PDXDC1: variants seen among roughly 807,000 people sequenced by gnomAD.
The protein encoded by PDXDC1 is pyridoxal-dependent decarboxylase domain-containing protein 1.
A neutral mutation model predicts 100.1 loss-of-function variants in PDXDC1; 42 were observed. That is an observed-to-expected ratio of 0.42 (90% CI 0.33 to 0.54). PDXDC1 has a LOEUF of 0.54. Ranked by LOEUF, PDXDC1 falls within the 20% of genes least tolerant of loss-of-function variation. PDXDC1 has a pLI of 0.10. For synonymous variants in PDXDC1, 260 were observed against 371.7 expected, an observed-to-expected ratio of 0.70 and a Z score of 3.46; for missense variants, 636 against 979.2, an observed-to-expected ratio of 0.65 and a Z score of 4.68.
At chr16:15,129,123 G>C (rs2047918577) in intron 16 of PDXDC1, among the ~76,000 whole-genome samples, 2 of 151,772 alleles carry the variant, frequency 1.3e-5, no homozygotes, top group Non-Finnish European at 2.9e-5. Flanking sequence ...TTAAAAGTAG[G>C]TAATCAAAAG....
intron 16 of PDXDC1, among the ~76,000 whole-genome samples, chr16:15,069,339 G>A (rs1425775182): frequency 6.6e-6 from 1 of 152,092 alleles, no homozygotes; most frequent in Non-Finnish European, 1.5e-5. Context: ...AATCGTGCAG[G>A]GTTCAGAGAC....
chr16:15,150,308 T>C, the PDXDC1 span, among the ~76,000 whole-genome samples: 7 of 151,302 alleles, frequency 4.6e-5, no homozygotes, highest in Non-Finnish European at 1.0e-4. Context: ...ACTGCTGCAC[T>C]CCAGCCTGGG....
At chr16:15,055,985 G>T (rs1180043691) in intron 16 of PDXDC1, 1 of 1,202,630 alleles carries the variant, frequency 8.3e-7, no homozygotes, top group Middle Eastern at 3.2e-4. Context: ...GGAGGCGGCC[G>T]CCCAGGCAGG....
chr16:15,019,674 C>T (rs2042033171), intron 12 of PDXDC1, among the ~76,000 whole-genome samples: 1 of 152,272 alleles, frequency 6.6e-6, no homozygotes, highest in South Asian at 2.1e-4. Context: ...GTCCCTTGAG[C>T]CTCTTTCAGA....
At chr16:14,983,188 T>C (rs1373134348) in intron 1 of PDXDC1, among the ~76,000 whole-genome samples, 1 of 152,294 alleles carries the variant, frequency 6.6e-6, no homozygotes, top group Non-Finnish European at 1.5e-5. Context: ...ACGAAAGTAT[T>C]ATATACTTCT....
In PDXDC1 at chr16:15,031,752, G is replaced by A. The variant is rs766233796; in HGVS notation, c.1417G>A (p.Glu473Lys). The A allele has an allele frequency of 3.7e-6, 6 of 1,611,068 alleles. No homozygotes were observed. Among genetic ancestry groups the A allele is most frequent in the African/African-American group, 1.3e-5 (1 of 74,978 alleles). The stretch of plus-strand genomic sequence containing the variant: ...ATCTTCAGTTTTAGGAACTCGGGGA[G>A]AGGATGTGGATCAGCTCGTAGCCTG... ...MTAAVLGTRG[E>K]DVDQLVACIE... The change falls in exon 17 of 23, where the codon GAG becomes AAG. Residue 473 changes from glutamate to lysine, a missense_variant. Physicochemically the swap from Glu to Lys is moderately conservative, Grantham distance 56. This residue lies in a region of PDXDC1 where 452 missense variants were observed against 402.9 expected (regional missense o/e 1.12). Transcript: ENST00000396410.
At chr16:15,000,010 T>C (rs947773582) in intron 3 of PDXDC1, among the ~76,000 whole-genome samples, 7 of 152,294 alleles carry the variant, frequency 4.6e-5, no homozygotes, top group African/African-American at 1.7e-4. Context: ...GAGATACTAA[T>C]ACTTTAAAAG....
At chr16:15,131,757 T>C in intron 16 of PDXDC1, 2 of 251,120 alleles carry the variant, frequency 8.0e-6, no homozygotes, top group Non-Finnish European at 1.2e-5. Context: ...AGAGGGAGGG[T>C]GGGGGCAGGC....
chr16:15,146,394 G>A, the PDXDC1 span, among the ~76,000 whole-genome samples: 2 of 152,192 alleles, frequency 1.3e-5, no homozygotes, highest in Non-Finnish European at 2.9e-5. Flanking sequence ...GCGGAACTCA[G>A]GCAGTGCCAC....
chr16:15,031,777 G>T lies in PDXDC1; in HGVS notation c.1442G>T (p.Cys481Phe). Residue 481 changes from cysteine (C) to phenylalanine (F), a missense_variant, in exon 17 of 23, where the codon TGC becomes TTC. By Grantham distance (205) the Cys-to-Phe change is radical. Around this residue, in one of 4 missense-constraint regions of PDXDC1, gnomAD observed 452 missense variants for 402.9 expected, o/e 1.12. Transcript: ENST00000396410. Reference protein sequence around the residue: ...RGEDVDQLVACIESKLPVLCC... With the variant: ...RGEDVDQLVAFIESKLPVLCC... Reference sequence around the variant, plus strand: ...GAGGATGTGGATCAGCTCGTAGCCTGCATAGAAAGCAAACTGCCAGTGCTG... The same window carrying T: ...GAGGATGTGGATCAGCTCGTAGCCTTCATAGAAAGCAAACTGCCAGTGCTG... 1 of 1,613,934 alleles carries T rather than the reference G, an allele frequency of 6.2e-7. No individual in the cohort carries two copies. The highest frequency in any genetic ancestry group is 1.7e-5 in the Admixed American group (1 of 60,004).
intron 8 of PDXDC1, among the ~76,000 whole-genome samples, chr16:15,012,582 C>A (rs1314763827): frequency 6.6e-6 from 1 of 152,286 alleles, no homozygotes; most frequent in African/African-American, 2.4e-5. Context: ...AGGTGGCTCA[C>A]ACTTGTAATC....
intron 16 of PDXDC1, among the ~76,000 whole-genome samples, chr16:15,100,035 T>A (rs2046485612): frequency 6.6e-6 from 1 of 152,150 alleles, no homozygotes; most frequent in Non-Finnish European, 1.5e-5. Flanking sequence ...ATTGGCCAAT[T>A]TGGATAAGGT....
rs1224427045 is a variant in PDXDC1 at position 15,032,865 on chromosome 16, G to A, written c.1576G>A (p.Glu526Lys). The A allele has an allele frequency of 3.2e-6, 5 of 1,556,140 alleles. No homozygotes were observed. Among genetic ancestry groups the A allele is most frequent in the Non-Finnish European group, 1.8e-6 (2 of 1,127,022 alleles). Residue 526 changes from glutamate to lysine, a missense_variant, in exon 18 of 23, where the codon GAA (glutamate) becomes AAA (lysine). Glu to Lys is a moderately conservative substitution (Grantham distance 56). Around this residue, in one of 4 missense-constraint regions of PDXDC1, gnomAD observed 452 missense variants for 402.9 expected, o/e 1.12. Coordinates refer to ENST00000396410, the MANE Select transcript of PDXDC1 (RefSeq NM_015027.4). ...TGTGGTTTGATGTTGTTTTAGGTAT[G>A]AACATGCTAATGATGATAAGAGCAG... ...NWSGIGVVRY[E>K]HANDDKSSLK...
intron 16 of PDXDC1, chr16:15,044,692 C>G (rs1278594885): frequency 6.1e-6 from 3 of 489,428 alleles, no homozygotes; most frequent in Non-Finnish European, 1.1e-5. Context: ...TCTGGAAGAG[C>G]ACAGGCACAG....
intron 16 of PDXDC1, among the ~76,000 whole-genome samples, chr16:15,111,866 T>C (rs1435936727): frequency 1.3e-5 from 2 of 149,512 alleles, no homozygotes; most frequent in Non-Finnish European, 3.0e-5. Context: ...TTACCACAGG[T>C]TAACATGTTT....
At chr16:14,993,786 A>G (rs1458477119) in intron 1 of PDXDC1, among the ~76,000 whole-genome samples, 2 of 152,302 alleles carry the variant, frequency 1.3e-5, no homozygotes, top group South Asian at 2.1e-4. Context: ...CTATTTCTCC[A>G]CATCCTCTCC....
In PDXDC1 at chr16:15,128,918, GC is replaced by G. The variant is rs1323162043; in HGVS notation, c.1400-9959del. 2.0e-5 allele frequency among the ~76,000 whole-genome samples: 3 copies of G among 148,726 alleles called. No homozygotes were observed. In the Admixed American group the frequency reaches 2.0e-4, roughly 10 times the overall value. On this transcript the variant is annotated intron_variant, in intron 16 of 16. Coordinates refer to the PDXDC1 transcript ENST00000535621. ...CCTCCCGGGTTCACGCCATTCTCCT[GC>G]CTCAGTCTCCCGAGGAGCTGGGACT...
intron 11 of PDXDC1, among the ~76,000 whole-genome samples, chr16:15,018,341 C>A (rs551143414): frequency 9.2e-5 from 14 of 152,236 alleles, no homozygotes; most frequent in Non-Finnish European, 1.8e-4. Flanking sequence ...CCCTGGAGAT[C>A]AAGGCTGCAG....
the PDXDC1 span, among the ~76,000 whole-genome samples, chr16:15,148,988 C>A: frequency 6.6e-6 from 1 of 152,240 alleles, no homozygotes; most frequent in Non-Finnish European, 1.5e-5. Context: ...CTCACGCAGG[C>A]ACGTTCTGAA....
Sources: gnomAD v4.1 joint callset for allele counts (sites outside exome capture counted in the v4.1 genomes callset) on GRCh38, gnomAD v4.1.1 for gene constraint, gnomAD v4.1.1 regional missense constraint, MANE v1.5 for transcripts, NCBI Gene and HGNC (gene_info 2026-07-23, HGNC 2026-07-21) for gene names.